Variants in AGAP5 observed in about 807,000 individuals in gnomAD.
The protein encoded by AGAP5 is arf-GAP with GTPase, ANK repeat and PH domain-containing protein 5.
A neutral mutation model predicts 27.7 loss-of-function variants in AGAP5; 8 were observed. That is an observed-to-expected ratio of 0.29 (90% confidence interval 0.17 to 0.52). AGAP5 has a LOEUF of 0.52. Ranked by LOEUF, AGAP5 falls within the 20% of genes least tolerant of loss-of-function variation. The pLI is 0.97. For synonymous variants in AGAP5, 111 were observed against 338.0 expected, an observed-to-expected ratio of 0.33 and a Z score of 7.37; for missense variants, 285 against 880.8, an observed-to-expected ratio of 0.32 and a Z score of 8.56.
chr10:73,696,016 C>CTT (rs1428440939), intron 2 of AGAP5, among the ~76,000 whole-genome samples: 1 of 146,858 alleles, frequency 6.8e-6, no homozygotes, highest in Non-Finnish European at 1.5e-5. Context: ...ACTTTCTTTC[C>CTT]TTTTTTTTTT....
chr10:73,689,799 C>G (rs1447189976), intron 4 of AGAP5, among the ~76,000 whole-genome samples: 3 of 151,948 alleles, frequency 2.0e-5, no homozygotes, highest in Admixed American at 6.5e-5. Flanking sequence ...CGGCAGCCAC[C>G]CTGTCTGGGA....
chr10:73,686,219 T>C (rs1357639702), intron 4 of AGAP5, among the ~76,000 whole-genome samples: 1 of 152,122 alleles, frequency 6.6e-6, no homozygotes, highest in African/African-American at 2.4e-5. Context: ...CATACACCAA[T>C]GGAACAGAAT....
Position 73,674,569 on chromosome 10 carries a change from C to T in AGAP5, c.*30G>A, listed in dbSNP as rs1044207353. 5.6e-6 allele frequency: 9 copies of T among 1,598,694 alleles called. No homozygotes were observed. In the African/African-American group the frequency reaches 1.2e-4, roughly 21 times the overall value. ...TATTTTTCCCATTTTGTTTTTGCACCAAGGAGACTGCAGTCAAATAAAACA... is the reference window on the plus strand; with the variant it reads ...TATTTTTCCCATTTTGTTTTTGCACTAAGGAGACTGCAGTCAAATAAAACA... On this transcript the variant is annotated 3_prime_UTR_variant, in exon 8 of 8. Transcript: ENST00000374094.
chr10:73,688,467 T>C (rs1182278576), intron 4 of AGAP5, among the ~76,000 whole-genome samples: 1 of 145,136 alleles, frequency 6.9e-6, no homozygotes, highest in Non-Finnish European at 1.5e-5. Flanking sequence ...ATCAAAACAA[T>C]AGAAAAAAGG....
intron 3 of AGAP5, among the ~76,000 whole-genome samples, chr10:73,694,459 T>C (rs2082144494): frequency 6.6e-6 from 1 of 152,104 alleles, no homozygotes; most frequent in Non-Finnish European, 1.5e-5. Flanking sequence ...TAAAGATAAA[T>C]CCAAAAATTA....
intron 6 of AGAP5, among the ~76,000 whole-genome samples, chr10:73,677,142 C>G (rs1028729196): frequency 3.9e-5 from 6 of 152,076 alleles, no homozygotes; most frequent in African/African-American, 1.4e-4. Flanking sequence ...GATTTCCTAG[C>G]TTCCTTTCTC....
chr10:73,688,732 C>A (rs1249290577), intron 4 of AGAP5, among the ~76,000 whole-genome samples: 1 of 151,932 alleles, frequency 6.6e-6, no homozygotes. Flanking sequence ...AAAAAAAATT[C>A]TCAAGAAGAG....
At chr10:73,696,887 T>G (rs2132464603) in intron 2 of AGAP5, among the ~76,000 whole-genome samples, 1 of 152,322 alleles carries the variant, frequency 6.6e-6, no homozygotes, top group South Asian at 2.1e-4. Context: ...TGTCCTGAGA[T>G]TTGGCTACTT....
chr10:73,675,551 C>T lies in AGAP5; in HGVS notation c.1109G>A (p.Gly370Glu). The stretch of plus-strand genomic sequence containing the variant: ...GCTGAAGCATATGGAGTCACCCAGC[C>T]CGGTGTCCATGTCCTTGGATAGGCC... The part of the protein sequence containing the change: ...SNGLSKDMDT[G>E]LGDSICFSPS... Residue 370 changes from glycine to glutamate, a missense_variant, in exon 8 of 8, where the codon GGG (glycine) becomes GAG (glutamate). Coordinates refer to ENST00000374094, the MANE Select transcript of AGAP5 (RefSeq NM_001144000.4). The T allele has an allele frequency of 6.2e-7, 1 of 1,614,160 alleles. No homozygotes were observed. Among genetic ancestry groups the T allele is most frequent in the Non-Finnish European group, 8.5e-7 (1 of 1,180,022 alleles).
intron 4 of AGAP5, among the ~76,000 whole-genome samples, chr10:73,686,519 A>G (rs1397043674): frequency 1.3e-5 from 2 of 152,242 alleles, no homozygotes; most frequent in Non-Finnish European, 2.9e-5. Flanking sequence ...GACCAAGAAC[A>G]CAAAAGCAAA....
chr10:73,689,786 G>A (rs1202326229), intron 4 of AGAP5, among the ~76,000 whole-genome samples: 1 of 150,508 alleles, frequency 6.6e-6, no homozygotes. Context: ...GAGCCCCTCC[G>A]CCCGGCAGCC....
chr10:73,678,896 C>T (rs2082001793), intron 6 of AGAP5, among the ~76,000 whole-genome samples: 1 of 151,650 alleles, frequency 6.6e-6, no homozygotes, highest in African/African-American at 2.4e-5. Context: ...CTCTGTCACC[C>T]AGGCTGGGGT....
At chr10:73,696,190 T>C (rs190285671) in intron 2 of AGAP5, among the ~76,000 whole-genome samples, 11 of 152,192 alleles carry the variant, frequency 7.2e-5, no homozygotes, top group African/African-American at 2.2e-4. Flanking sequence ...TTTTTGTATT[T>C]TTTTTTTAGT....
intron 1 of AGAP5, among the ~76,000 whole-genome samples, 182 bp downstream of exon 1, chr10:73,697,351 C>T (rs1472514805): frequency 6.6e-6 from 1 of 151,868 alleles, no homozygotes; most frequent in East Asian, 1.9e-4. Flanking sequence ...TGACTGGACT[C>T]GGTGAGGAAA....
At chr10:73,679,010 T>C (rs3878035) in intron 6 of AGAP5, among the ~76,000 whole-genome samples, 4 of 150,770 alleles carry the variant, frequency 2.7e-5, no homozygotes, top group Admixed American at 1.3e-4. Context: ...TGCACTACCA[T>C]GCCCAGCCAC....
At chr10:73,677,764 C>G (rs1295658330) in intron 6 of AGAP5, among the ~76,000 whole-genome samples, 1 of 151,980 alleles carries the variant, frequency 6.6e-6, no homozygotes, top group African/African-American at 2.4e-5. Context: ...AATACAAAGT[C>G]ATTGCCTGCT....
Position 73,697,148 on chromosome 10 carries a change from A to T in AGAP5, c.239T>A (p.Leu80His). The T allele has an allele frequency of 6.3e-7, 1 of 1,598,320 alleles. No homozygotes were observed. ...TGTGCTTGCCTCTGGATTGGCAGAA[A>T]GGCTAAACTCCAAAGCTATATGTAT... ...QEMPEALEFS[L>H]SANPEASTIF... The change falls in exon 2 of 8, where the codon CTT becomes CAT. Residue 80 changes from leucine to histidine, a missense_variant. Leu to His is a moderately conservative substitution (Grantham distance 99). Transcript: ENST00000374094.
intron 5 of AGAP5, chr10:73,681,556 C>A (rs1589468094): frequency 1.1e-6 from 1 of 951,554 alleles, no homozygotes; most frequent in Non-Finnish European, 1.3e-6. Flanking sequence ...ATAGTGAATA[C>A]ACCAAATGAT....
Position 73,697,533 on chromosome 10 carries a change from C to T in AGAP5, c.223G>A (p.Ala75Thr), listed in dbSNP as rs1197794803. ...HHIRDQEMPE[A>T]LEFSLSANPE... is the part of the protein sequence containing the mutation. ...TAGATGGCACCTATCACCTCCTTACCTTCAGGCATCTCCTGGTCACGAATG... is the reference window on the plus strand; with the variant it reads ...TAGATGGCACCTATCACCTCCTTACTTTCAGGCATCTCCTGGTCACGAATG... The change falls in exon 1 of 8, where the codon GCT becomes ACT. Residue 75 changes from alanine to threonine, a missense_variant and splice_region_variant. By Grantham distance (58) the Ala-to-Thr change is moderately conservative. Coordinates refer to ENST00000374094, the MANE Select transcript of AGAP5 (RefSeq NM_001144000.4). 5 of 1,612,746 alleles carry T rather than the reference C, an allele frequency of 3.1e-6. No individual in the cohort carries two copies. Among genetic ancestry groups the T allele is most frequent in the Non-Finnish European group, 4.2e-6 (5 of 1,179,962 alleles).
Sources: allele counts gnomAD v4.1 joint callset (sites outside exome capture counted in the v4.1 genomes callset), GRCh38; gene constraint gnomAD v4.1.1; transcripts MANE v1.5; gene names NCBI Gene and HGNC (gene_info 2026-07-23, HGNC 2026-07-21).